Variants in TTC28 observed in about 807,000 individuals in gnomAD.
TTC28 encodes tetratricopeptide repeat domain 28, also known as tetratricopeptide repeat protein 28.
In TTC28, 61 loss-of-function variants were observed where a neutral mutation model predicts 198.0. That is an observed-to-expected ratio of 0.31 (90% CI 0.25 to 0.38). The LOEUF (loss-of-function observed/expected upper bound fraction) is 0.38, where lower values mean the gene tolerates loss of function less well. Ranked by LOEUF, TTC28 falls within the 10% of genes least tolerant of loss-of-function variation. The pLI, the probability that TTC28 is intolerant of heterozygous loss-of-function variation, is 1.00. For missense variants in TTC28, 2,678 were observed against 3,164.0 expected, an observed-to-expected ratio of 0.85 and a Z score of 3.69; for synonymous variants, 1,171 against 1,297.8, an observed-to-expected ratio of 0.90 and a Z score of 2.10.
At chr22:28,067,766 G>A (rs887351771) in intron 12 of TTC28, among the ~76,000 whole-genome samples, 2 of 152,142 alleles carry the variant, frequency 1.3e-5, no homozygotes, top group African/African-American at 4.8e-5. Flanking sequence ...TTGGAAGAAC[G>A]CTTTTAAAAT....
rs1942269257 is a variant in TTC28 at position 28,105,539 on chromosome 22, G to A, written c.3047C>T (p.Ala1016Val). ...TAGATCAAGCTGGTGGTACTGCAGG[G>A]CTGTGTCATACTCCCCCATCTGCTG... ...VYQQMGEYDTALQYHQLDLQI... is the reference protein window; with the variant it reads ...VYQQMGEYDTVLQYHQLDLQI... The change falls in exon 8 of 23, where the codon GCC (alanine) becomes GTC (valine). Residue 1016 changes from alanine (A) to valine (V), a missense_variant. Coordinates refer to ENST00000397906, the MANE Select transcript of TTC28 (RefSeq NM_001145418.2). 6.4e-7 allele frequency: 1 copy of A among 1,551,636 alleles called. No homozygotes were observed. Among genetic ancestry groups the A allele is most frequent in the Admixed American group, 2.0e-5 (1 of 50,990 alleles).
intron 2 of TTC28, among the ~76,000 whole-genome samples, chr22:28,379,165 C>CA (rs958319761): frequency 7.3e-5 from 11 of 151,334 alleles, no homozygotes; most frequent in African/African-American, 1.5e-4. Flanking sequence ...AACATCTAAG[C>CA]AAAAAAAATA....
intron 15 of TTC28, chr22:27,999,545 CAG>C: frequency 2.4e-6 from 1 of 421,848 alleles, no homozygotes; most frequent in Non-Finnish European, 4.2e-6. Context: ...ACAGAGTGGA[CAG>C]AGGCCGTGGA....
At chr22:28,042,874 C>A (rs1390443733) in intron 12 of TTC28, among the ~76,000 whole-genome samples, 3 of 152,042 alleles carry the variant, frequency 2.0e-5, no homozygotes, top group African/African-American at 7.2e-5. Flanking sequence ...ACAGGCTACA[C>A]GTTGGGGATG....
chr22:28,649,821 A>C (rs1339642625), intron 1 of TTC28, among the ~76,000 whole-genome samples: 1 of 152,264 alleles, frequency 6.6e-6, no homozygotes, highest in African/African-American at 2.4e-5. Context: ...TGCAATTTGA[A>C]TGCTTAACAC....
chr22:28,610,148 GC>G (rs749281219), intron 2 of TTC28, among the ~76,000 whole-genome samples: 12 of 152,146 alleles, frequency 7.9e-5, no homozygotes, highest in Non-Finnish European at 5.9e-5. Context: ...GGAAGGTGTG[GC>G]CATGGGTGCA....
rs568366519 is a variant in TTC28 at position 28,529,109 on chromosome 22, G to A, written c.381+100443C>T. Among the ~76,000 whole-genome samples the A allele has an allele frequency of 2.6e-5, 4 of 152,188 alleles. No homozygotes were observed. In the South Asian group the frequency reaches 8.3e-4, roughly 31 times the overall value. ...CAGAGTGTGAGCCGAAGCAGGGCAG[G>A]GCATCGCCTCACCCGGGAAGCGCAA... On this transcript the variant is annotated intron_variant, in intron 2 of 22. Transcript: ENST00000397906.
At chr22:28,660,930 AAT>A (rs1434958243) in intron 1 of TTC28, among the ~76,000 whole-genome samples, 1 of 152,080 alleles carries the variant, frequency 6.6e-6, no homozygotes. Flanking sequence ...TTAAATATAT[AAT>A]TCCCTTTATT....
chr22:28,105,841 A>T, intron 7 of TTC28, 39 bp from the exon 8 acceptor site: 1 of 1,511,390 alleles, frequency 6.6e-7, no homozygotes, highest in Non-Finnish European at 8.8e-7. Flanking sequence ...ATATTATTTC[A>T]TGCAGGTGCA....
chr22:28,395,808 A>C (rs2046807004), intron 2 of TTC28, among the ~76,000 whole-genome samples: 1 of 152,198 alleles, frequency 6.6e-6, no homozygotes, highest in Non-Finnish European at 1.5e-5. Flanking sequence ...AATATTTTTA[A>C]ACACCATGCA....
chr22:28,297,573 A>T lies in TTC28; in HGVS notation c.802+7T>A. 1 of 1,543,672 alleles carries T rather than the reference A, an allele frequency of 6.5e-7. No homozygotes were observed. The highest frequency in any genetic ancestry group is 8.8e-7 in the Non-Finnish European group (1 of 1,140,876). On this transcript the variant is annotated splice_region_variant and intron_variant, in intron 4 of 22. Coordinates refer to ENST00000397906, the MANE Select transcript of TTC28 (RefSeq NM_001145418.2). ...TTCTGCACTGAAATAGAGAAGCATC[A>T]CTCTACCTAAGGTCTTGGCTACATC...
chr22:28,017,895 G>A (rs1938433602), intron 13 of TTC28, among the ~76,000 whole-genome samples: 1 of 152,006 alleles, frequency 6.6e-6, no homozygotes, highest in Non-Finnish European at 1.5e-5. Context: ...GGTGGCCAGG[G>A]CACCCAAGCT....
At chr22:28,366,455 T>A (rs1240709367) in intron 2 of TTC28, among the ~76,000 whole-genome samples, 1 of 152,072 alleles carries the variant, frequency 6.6e-6, no homozygotes, top group African/African-American at 2.4e-5. Context: ...CTTTCTTAGA[T>A]CATAGCGGTT....
chr22:28,234,285 G>A (rs1039058384), intron 5 of TTC28, among the ~76,000 whole-genome samples: 9 of 151,228 alleles, frequency 6.0e-5, no homozygotes, highest in African/African-American at 2.2e-4. Flanking sequence ...CAGGCAATCC[G>A]CCTGCCTGGG....
intron 2 of TTC28, among the ~76,000 whole-genome samples, chr22:28,592,275 CA>C (rs1229172487): frequency 6.6e-6 from 1 of 152,012 alleles, no homozygotes; most frequent in Non-Finnish European, 1.5e-5. Context: ...AGCTTGAACC[CA>C]AAAGTGTGAG....
intron 12 of TTC28, among the ~76,000 whole-genome samples, chr22:28,051,438 A>G (rs976555969): frequency 2.6e-5 from 4 of 152,198 alleles, no homozygotes; most frequent in African/African-American, 9.7e-5. Context: ...TGTTAATATC[A>G]AAGTCTTTTA....
chr22:28,636,123 C>A (rs2051265764), intron 1 of TTC28, among the ~76,000 whole-genome samples: 3 of 110,040 alleles, frequency 2.7e-5, no homozygotes, highest in Non-Finnish European at 3.7e-5. Context: ...TTGCAAATGT[C>A]AGGATTTTTT....
chr22:28,092,238 T>C (rs1941836650), intron 12 of TTC28, among the ~76,000 whole-genome samples: 1 of 152,240 alleles, frequency 6.6e-6, no homozygotes, highest in East Asian at 1.9e-4. Flanking sequence ...TCTTTGGGCA[T>C]GTTAGCAACA....
At chr22:28,246,781 G>A (rs941719455) in intron 5 of TTC28, among the ~76,000 whole-genome samples, 1 of 152,080 alleles carries the variant, frequency 6.6e-6, no homozygotes, top group African/African-American at 2.4e-5. Context: ...ATTATTCTTA[G>A]TGTGCTATGG....
Sources: allele counts gnomAD v4.1 joint callset (sites outside exome capture counted in the v4.1 genomes callset), GRCh38; gene constraint gnomAD v4.1.1; transcripts MANE v1.5; gene names NCBI Gene and HGNC (gene_info 2026-07-23, HGNC 2026-07-21).